The following MMP26 variants were observed in gnomAD, a reference collection of about 807,000 sequenced individuals.
The protein encoded by MMP26 is matrix metallopeptidase 26, also known as matrix metalloproteinase-26.
A neutral mutation model predicts 31.0 loss-of-function variants in MMP26; 33 were observed. That is an observed-to-expected ratio of 1.06 (90% confidence interval 0.81 to 1.42). The LOEUF (loss-of-function observed/expected upper bound fraction) is 1.42. Among genes scored for constraint, MMP26 ranks in the 40% most tolerant of loss-of-function variants. MMP26 has a pLI of 0.00. For synonymous variants in MMP26, 122 were observed against 114.9 expected (o/e 1.06, Z -0.40); for missense variants, 347 against 316.1 (o/e 1.10, Z -0.74).
At chr11:4,989,066 A>G (rs1295385562) in intron 3 of MMP26, among the ~76,000 whole-genome samples, 1 of 152,258 alleles carries the variant, frequency 6.6e-6, no homozygotes, top group Non-Finnish European at 1.5e-5. Context: ...CTAGCATTCA[A>G]ATACAGACAG....
chr11:4,981,639 C>G (rs1277217699), intron 2 of MMP26, among the ~76,000 whole-genome samples: 1 of 149,718 alleles, frequency 6.7e-6, no homozygotes, highest in Non-Finnish European at 1.5e-5. Flanking sequence ...TAGCTTAAAA[C>G]TTTCTTATTT....
At chr11:4,861,269 A>G (rs1213186810) in intron 2 of MMP26, among the ~76,000 whole-genome samples, 1 of 150,418 alleles carries the variant, frequency 6.6e-6, no homozygotes. Context: ...ATATAGATAC[A>G]TATACATGCA....
intron 1 of MMP26, among the ~76,000 whole-genome samples, chr11:4,763,228 T>A (rs1476901824): frequency 6.6e-6 from 1 of 152,060 alleles, no homozygotes; most frequent in Admixed American, 6.6e-5. Context: ...CGTTACCAGT[T>A]TGAATGGTGA....
intron 2 of MMP26, among the ~76,000 whole-genome samples, chr11:4,942,643 A>G (rs1846231074): frequency 6.6e-6 from 1 of 152,210 alleles, no homozygotes. Flanking sequence ...AGATATTTTC[A>G]TCTTGCTTTT....
At chr11:4,763,841 T>C (rs1378993718) in intron 1 of MMP26, among the ~76,000 whole-genome samples, 1 of 152,210 alleles carries the variant, frequency 6.6e-6, no homozygotes, top group African/African-American at 2.4e-5. Flanking sequence ...AATTATTAGT[T>C]ATCTTAAAGT....
At chr11:4,987,473 C>T (rs7105088) in intron 2 of MMP26, among the ~76,000 whole-genome samples, 37,582 of 151,500 alleles carry the variant, frequency 0.25, 4,949 homozygotes, top group African/African-American at 0.33. Flanking sequence ...GGCTGGAGTG[C>T]AGTGGCGCGA....
intron 1 of MMP26, among the ~76,000 whole-genome samples, chr11:4,766,555 G>T (rs1848630988): frequency 6.6e-6 from 1 of 152,046 alleles, no homozygotes; most frequent in Non-Finnish European, 1.5e-5. Context: ...ATTCTTTCTG[G>T]CTATAGATTT....
intron 2 of MMP26, chr11:4,849,358 AT>A: frequency 1.4e-6 from 1 of 733,826 alleles, no homozygotes; most frequent in Non-Finnish European, 2.2e-6. Flanking sequence ...ACATATACAC[AT>A]TTCCTCCCTG....
At chr11:4,850,540 A>G (rs956315914) in intron 2 of MMP26, among the ~76,000 whole-genome samples, 3 of 152,160 alleles carry the variant, frequency 2.0e-5, no homozygotes, top group African/African-American at 7.2e-5. Flanking sequence ...CCCTGCCCAA[A>G]TGCCCAGAAA....
intron 2 of MMP26, among the ~76,000 whole-genome samples, chr11:4,784,212 A>G (rs1848904249): frequency 1.3e-5 from 2 of 152,214 alleles, no homozygotes; most frequent in South Asian, 4.1e-4. Context: ...CAGCTGGGGC[A>G]GTGATCAGAA....
chr11:4,793,265 G>C (rs192030794), intron 2 of MMP26, among the ~76,000 whole-genome samples: 50 of 152,210 alleles, frequency 3.3e-4, no homozygotes, highest in Non-Finnish European at 5.1e-4. Context: ...TCTTTACTGT[G>C]AGAACTCAGT....
At chr11:4,801,641 C>G (rs1849184707) in intron 2 of MMP26, among the ~76,000 whole-genome samples, 1 of 151,968 alleles carries the variant, frequency 6.6e-6, no homozygotes, top group Non-Finnish European at 1.5e-5. Flanking sequence ...TTCCCCAGTT[C>G]AAGCGATTCT....
rs1456399520 is a variant in MMP26, at chr11:4,992,010, G to C, written c.642G>C (p.Leu214Phe). 6.2e-7 allele frequency: 1 copy of C among 1,612,292 alleles called. No individual in the cohort carries two copies. Among genetic ancestry groups the C allele is most frequent in the Non-Finnish European group, 8.5e-7 (1 of 1,179,596 alleles). The stretch of plus-strand genomic sequence containing the variant: ...CAACTCATGAGATTGGGCATTCTTT[G>C]GGCCTGCAGCACTCTGGGAATCAGA... The part of the protein sequence containing the change: ...LVATHEIGHS[L>F]GLQHSGNQSS... The change falls in exon 7 of 8, where the codon TTG (leucine) becomes TTC (phenylalanine). Residue 214 changes from leucine (L) to phenylalanine (F), a missense_variant. Leu to Phe is a conservative substitution (Grantham distance 22). Transcript: ENST00000380390.
intron 2 of MMP26, chr11:4,915,261 AG>A: frequency 1.2e-6 from 2 of 1,614,054 alleles, no homozygotes; most frequent in Non-Finnish European, 1.7e-6. Context: ...ACATAGTGCA[AG>A]GGGTGGCAGA....
At chr11:4,754,358 T>G (rs999262545) in intron 1 of MMP26, among the ~76,000 whole-genome samples, 4 of 151,942 alleles carry the variant, frequency 2.6e-5, no homozygotes, top group African/African-American at 9.7e-5. Flanking sequence ...GATTTCTGAT[T>G]ATTTAAAATT....
rs781757271 is a variant in MMP26 at position 4,882,346 on chromosome 11, C to T, written c.-144-105722C>T. 46 of 1,613,926 alleles carry T rather than the reference C, an allele frequency of 2.9e-5. No individual in the cohort carries two copies. In the South Asian group the frequency reaches 4.6e-4, roughly 16 times the overall value. On this transcript the variant is annotated intron_variant, in intron 2 of 7. Coordinates refer to ENST00000380390, the MANE Select transcript of MMP26 (RefSeq NM_021801.5). ...GGATGGTCCTGGTGATAGGGCTGGT[C>T]ATCTGCATTAGACCAGCAGTTTTCT... is the stretch of plus-strand genomic sequence containing the variant.
chr11:4,848,591 G>T, intron 2 of MMP26: 1 of 1,606,852 alleles, frequency 6.2e-7, no homozygotes, highest in Non-Finnish European at 8.5e-7. Flanking sequence ...CCACAAATAG[G>T]CTGTAGGCTG....
At chr11:4,886,093 A>C (rs1850542566) in intron 2 of MMP26, among the ~76,000 whole-genome samples, 1 of 152,092 alleles carries the variant, frequency 6.6e-6, no homozygotes, top group Non-Finnish European at 1.5e-5. Context: ...GGTTTTTGCT[A>C]CTATTTCCTA....
At chr11:4,904,974 G>C (rs1218459856) in intron 2 of MMP26, among the ~76,000 whole-genome samples, 1 of 152,096 alleles carries the variant, frequency 6.6e-6, no homozygotes, top group Non-Finnish European at 1.5e-5. Flanking sequence ...TTACATGAAA[G>C]TAGTACGTTA....
Sources: gnomAD v4.1 joint callset for allele counts (sites outside exome capture counted in the v4.1 genomes callset) on GRCh38, gnomAD v4.1.1 for gene constraint, MANE v1.5 for transcripts, NCBI Gene and HGNC (gene_info 2026-07-23, HGNC 2026-07-21) for gene names.